The following KANSL1L variants were observed in gnomAD, a reference collection of about 807,000 sequenced individuals.
KANSL1L encodes the protein KAT8 regulatory NSL complex subunit 1 like.
KANSL1L carries 25 observed loss-of-function variants against 108.6 expected under a neutral mutation model. The ratio of observed to expected loss-of-function variants is 0.23; its 90% CI spans 0.17 to 0.32. KANSL1L has a LOEUF of 0.32. Ranked by LOEUF, KANSL1L falls within the 10% of genes least tolerant of loss-of-function variation. The pLI is 1.00. For missense variants in KANSL1L, 1,137 were observed against 1,125.7 expected (o/e 1.01, Z -0.14); for synonymous variants, 405 against 395.1 (o/e 1.03, Z -0.30).
intron 5 of KANSL1L, among the ~76,000 whole-genome samples, chr2:210,077,287 C>G (rs1486463125): frequency 2.6e-5 from 4 of 151,720 alleles, no homozygotes; most frequent in Non-Finnish European, 5.9e-5. Flanking sequence ...CTCCAGAGAG[C>G]TCTAGCAAGA....
Position 210,023,705 on chromosome 2 carries a change from T to G in KANSL1L, c.2733+328A>C, listed in dbSNP as rs528742223. 3.3e-5 allele frequency among the ~76,000 whole-genome samples: 5 copies of G among 152,276 alleles called. No individual in the cohort carries two copies. In the East Asian group the frequency reaches 5.8e-4, roughly 18 times the overall value. ...TCTGTGGTGAGGCATGTAAAAATCT[T>G]AAGATATGAGGAGAAAGAAATAGCA... On this transcript the variant is annotated intron_variant, in intron 14 of 14. Coordinates refer to ENST00000281772, the MANE Select transcript of KANSL1L (RefSeq NM_152519.4).
chr2:210,089,401 T>G (rs547222084), intron 5 of KANSL1L, among the ~76,000 whole-genome samples: 23 of 152,294 alleles, frequency 1.5e-4, no homozygotes, highest in African/African-American at 5.5e-4. Flanking sequence ...ACATATTAGG[T>G]TGGATTGGAA....
chr2:210,111,438 T>G (rs902395981), intron 3 of KANSL1L, among the ~76,000 whole-genome samples: 1 of 152,176 alleles, frequency 6.6e-6, no homozygotes, highest in Non-Finnish European at 1.5e-5. Flanking sequence ...AAGGCAAAAC[T>G]ATAGCAATAG....
At chr2:210,145,708 G>A (rs1161253959) in intron 2 of KANSL1L, among the ~76,000 whole-genome samples, 1 of 152,218 alleles carries the variant, frequency 6.6e-6, no homozygotes, top group African/African-American at 2.4e-5. Flanking sequence ...GATGTCAGAT[G>A]TCTGAGGCAC....
upstream of KANSL1L, among the ~76,000 whole-genome samples, chr2:210,172,146 G>A (rs1688373672): frequency 1.3e-5 from 2 of 152,112 alleles, no homozygotes; most frequent in Non-Finnish European, 2.9e-5. Context: ...AAACACTTCT[G>A]AGCGTCTTGC....
intron 2 of KANSL1L, among the ~76,000 whole-genome samples, chr2:210,146,212 G>A (rs1377298587): frequency 6.6e-6 from 1 of 152,100 alleles, no homozygotes; most frequent in African/African-American, 2.4e-5. Flanking sequence ...TATCCTTTCT[G>A]TGCAGTTATC....
At chr2:210,062,118 G>A (rs1326105236) in intron 6 of KANSL1L, among the ~76,000 whole-genome samples, 3 of 152,194 alleles carry the variant, frequency 2.0e-5, no homozygotes, top group African/African-American at 7.2e-5. Flanking sequence ...CCCATGTGTT[G>A]TGGGAGGGAC....
intron 3 of KANSL1L, among the ~76,000 whole-genome samples, chr2:210,105,481 AAACT>A (rs2094838612): frequency 6.6e-6 from 1 of 150,828 alleles, no homozygotes; most frequent in Non-Finnish European, 1.5e-5. Flanking sequence ...AATAAAAAAT[AAACT>A]AACATTAATA....
At chr2:210,163,293 TAAG>T (rs2095371015) in intron 1 of KANSL1L, among the ~76,000 whole-genome samples, 1 of 152,110 alleles carries the variant, frequency 6.6e-6, no homozygotes, top group Non-Finnish European at 1.5e-5. Flanking sequence ...ACAGGTAATG[TAAG>T]AAGAGAGATG....
intron 5 of KANSL1L, among the ~76,000 whole-genome samples, chr2:210,094,782 T>A (rs755189744): frequency 2.6e-5 from 4 of 151,890 alleles, no homozygotes; most frequent in Non-Finnish European, 4.4e-5. Flanking sequence ...TTTATAAGCA[T>A]TAATTAAGTA....
intron 5 of KANSL1L, among the ~76,000 whole-genome samples, chr2:210,080,626 T>C (rs932652629): frequency 1.3e-5 from 2 of 152,224 alleles, no homozygotes; most frequent in Non-Finnish European, 2.9e-5. Context: ...ATGTGGGCTG[T>C]AGACTAACTG....
rs200742172 is a variant in KANSL1L, at chr2:210,024,081, A to T, written c.2685T>A (p.Asp895Glu). Residue 895 changes from aspartate (D) to glutamate (E), a missense_variant, in exon 14 of 15, where the codon GAT (aspartate) becomes GAA (glutamate). By Grantham distance (45) the Asp-to-Glu change is conservative (BLOSUM62 2). Transcript: ENST00000281772. ...AAGAAGGTAAGCCATATGCACACAG[A>T]TCCTGGTTCTCTGAAGGAAGCCCAG... ...SPPGLPSENQ[D>E]LCAYGLPSLN... is the part of the protein sequence containing the mutation. 6.2e-7 allele frequency: 1 copy of T among 1,607,704 alleles called. No homozygotes were observed. Among genetic ancestry groups the T allele is most frequent in the Non-Finnish European group, 8.5e-7 (1 of 1,176,898 alleles).
chr2:210,154,229 G>A lies in KANSL1L; in HGVS notation c.354C>T (p.Asn118=). The change falls in exon 2 of 15, where the codon AAC becomes AAT. Residue 118 remains asparagine (N), a synonymous_variant. Coordinates refer to ENST00000281772, the MANE Select transcript of KANSL1L (RefSeq NM_152519.4). ...AAAGACAGATTTTACTGAGCTGAAT[G>A]TTGCTGCCATTATACAGTATGTTTT... The part of the protein sequence containing the change: ...KLKNILYNGS[N]IQLSKICLSH... 1 of 1,614,008 alleles carries A rather than the reference G, an allele frequency of 6.2e-7. No individual in the cohort carries two copies. The highest frequency in any genetic ancestry group is 8.5e-7 in the Non-Finnish European group (1 of 1,179,992).
At chr2:210,162,072 A>ATAT (rs1487349238) in intron 1 of KANSL1L, among the ~76,000 whole-genome samples, 1 of 144,788 alleles carries the variant, frequency 6.9e-6, no homozygotes, top group Non-Finnish European at 1.5e-5. Flanking sequence ...TTAAAAAAAA[A>ATAT]AAAAATATAT....
chr2:210,125,059 G>A (rs1193870727), intron 3 of KANSL1L, among the ~76,000 whole-genome samples: 1 of 152,018 alleles, frequency 6.6e-6, no homozygotes. Context: ...TTTGAGACCA[G>A]CCTGGACAAC....
At position 210,074,998 on chromosome 2, in the gene KANSL1L, C is replaced by T. The variant is rs560791595; in HGVS notation, c.1755+554G>A. Among the ~76,000 whole-genome samples the T allele has an allele frequency of 7.9e-4, 120 of 152,078 alleles. 1 individual carries two copies. Among genetic ancestry groups the T allele is most frequent in the African/African-American group, 2.3e-3 (96 of 41,484 alleles). On this transcript the variant is annotated intron_variant, in intron 6 of 14. Transcript: ENST00000281772. ...GTTCACACATGAAAAATATGTTTTACAAAATGAATGTTTCTAATGAAGTAT... is the reference window on the plus strand; with the variant it reads ...GTTCACACATGAAAAATATGTTTTATAAAATGAATGTTTCTAATGAAGTAT...
At chr2:210,148,473 A>G (rs2095280743) in intron 2 of KANSL1L, among the ~76,000 whole-genome samples, 1 of 152,092 alleles carries the variant, frequency 6.6e-6, no homozygotes, top group Non-Finnish European at 1.5e-5. Context: ...GGGCTCCTTC[A>G]CCAAATAAAA....
chr2:210,084,368 G>A (rs2094617283), intron 5 of KANSL1L, among the ~76,000 whole-genome samples: 1 of 152,116 alleles, frequency 6.6e-6, no homozygotes, highest in South Asian at 2.1e-4. Context: ...GTTGCAGTGA[G>A]CCGAGATCGC....
At chr2:210,165,313 C>T (rs1003419728) in intron 1 of KANSL1L, among the ~76,000 whole-genome samples, 1 of 151,934 alleles carries the variant, frequency 6.6e-6, no homozygotes, top group African/African-American at 2.4e-5. Flanking sequence ...GTAAATAATC[C>T]TCCAGTAAGC....
Sources: allele counts gnomAD v4.1 joint callset (sites outside exome capture counted in the v4.1 genomes callset), GRCh38; gene constraint gnomAD v4.1.1; transcripts MANE v1.5; gene names NCBI Gene and HGNC (gene_info 2026-07-23, HGNC 2026-07-21).